Variants in BICC1 observed in about 807,000 individuals in gnomAD.
The protein encoded by BICC1 is BicC family RNA binding protein 1.
In BICC1, 43 loss-of-function variants were observed where a neutral mutation model predicts 111.0. That is an observed-to-expected ratio of 0.39 (90% CI 0.30 to 0.50). The LOEUF is 0.50. Among genes scored for constraint, BICC1 ranks in the 20% least tolerant of loss-of-function variants. The pLI is 0.88. For missense variants in BICC1, 1,091 were observed against 1,203.2 expected (o/e 0.91, Z 1.38); for synonymous variants, 467 against 434.4 (o/e 1.07, Z -0.93).
chr10:58,739,471 G>A (rs1033730044), intron 3 of BICC1, among the ~76,000 whole-genome samples: 1 of 152,128 alleles, frequency 6.6e-6, no homozygotes, highest in Non-Finnish European at 1.5e-5. Context: ...ATGTGCTGCT[G>A]TATTCGGTTT....
At chr10:58,570,194 T>C (rs1276388520) in intron 1 of BICC1, among the ~76,000 whole-genome samples, 1 of 152,184 alleles carries the variant, frequency 6.6e-6, no homozygotes, top group African/African-American at 2.4e-5. Flanking sequence ...AGCATGAAAG[T>C]CAATGAATTT....
chr10:58,757,508 A>G (rs1295732880), intron 3 of BICC1, among the ~76,000 whole-genome samples: 1 of 148,626 alleles, frequency 6.7e-6, no homozygotes, highest in African/African-American at 2.5e-5. Flanking sequence ...CAGTGAGTCC[A>G]TGCCAGAGTG....
chr10:58,778,785 CACTA>C (rs1368085182), intron 3 of BICC1, among the ~76,000 whole-genome samples: 4 of 152,172 alleles, frequency 2.6e-5, no homozygotes, highest in African/African-American at 9.7e-5. Flanking sequence ...TATGGCTGCC[CACTA>C]ACGTTTTGCT....
At position 58,591,396 on chromosome 10, in the gene BICC1, T is replaced by C. The variant is rs75698776; in HGVS notation, c.191-29459T>C. Among the ~76,000 whole-genome samples, 876 of 152,248 alleles carry C rather than the reference T, an allele frequency of 5.8e-3. 8 individuals are homozygous for C. The highest frequency in any genetic ancestry group is 0.02 in the African/African-American group (836 of 41,546). On this transcript the variant is annotated intron_variant, in intron 1 of 20. Coordinates refer to ENST00000373886, the MANE Select transcript of BICC1 (RefSeq NM_001080512.3). ...TGGGTGGTCTATAATGAACAAAAAT[T>C]CCCACTTCTGGAGGCTGGGAAGTCA... is the stretch of plus-strand genomic sequence containing the variant.
At chr10:58,791,081 G>A (rs1332119975) in intron 8 of BICC1, among the ~76,000 whole-genome samples, 6 of 152,026 alleles carry the variant, frequency 3.9e-5, no homozygotes, top group African/African-American at 1.5e-4. Flanking sequence ...AGAACTTGTT[G>A]GAATCAGTAA....
chr10:58,584,088 AC>A (rs1470987874), intron 1 of BICC1, among the ~76,000 whole-genome samples: 36 of 151,926 alleles, frequency 2.4e-4, no homozygotes, highest in African/African-American at 7.5e-4. Flanking sequence ...ACACACACAC[AC>A]ACACACACAC....
intron 4 of BICC1, among the ~76,000 whole-genome samples, chr10:58,785,506 G>C (rs906791005): frequency 1.4e-4 from 22 of 152,016 alleles, no homozygotes; most frequent in African/African-American, 5.1e-4. Context: ...TCTGTGTTGG[G>C]TGTGTGTAAT....
intron 3 of BICC1, among the ~76,000 whole-genome samples, chr10:58,763,158 A>G (rs1038849391): frequency 6.6e-6 from 1 of 152,242 alleles, no homozygotes; most frequent in Non-Finnish European, 1.5e-5. Context: ...AAGATTGACC[A>G]TCCCTTCCAG....
chr10:58,709,334 G>A (rs1010760759), intron 3 of BICC1, among the ~76,000 whole-genome samples: 5 of 152,120 alleles, frequency 3.3e-5, no homozygotes, highest in Admixed American at 2.6e-4. Flanking sequence ...TCTGAACCTG[G>A]CTTATTTCAG....
At chr10:58,583,386 T>G (rs1844335302) in intron 1 of BICC1, among the ~76,000 whole-genome samples, 1 of 150,628 alleles carries the variant, frequency 6.6e-6, no homozygotes. Flanking sequence ...TCCCCTCGAG[T>G]CCCCAAAGTC....
intron 2 of BICC1, among the ~76,000 whole-genome samples, chr10:58,631,155 C>A (rs1349193045): frequency 6.6e-6 from 1 of 152,142 alleles, no homozygotes; most frequent in African/African-American, 2.4e-5. Flanking sequence ...TTGTTTTCAT[C>A]CCTCTTACAC....
chr10:58,627,878 C>A (rs1488166952), intron 2 of BICC1, among the ~76,000 whole-genome samples: 1 of 151,872 alleles, frequency 6.6e-6, no homozygotes, highest in Non-Finnish European at 1.5e-5. Flanking sequence ...TTAAAAATAA[C>A]CTAAGTACTC....
In BICC1 at chr10:58,761,275, G is replaced by A. The variant is rs552354806; in HGVS notation, c.308-23726G>A. ...GCTGTCTACAAAAGGAGCCGAGTGCGGCTGGAAAGAAAGTTGCTTCCTTTC... is the reference window on the plus strand; with the variant it reads ...GCTGTCTACAAAAGGAGCCGAGTGCAGCTGGAAAGAAAGTTGCTTCCTTTC... On this transcript the variant is annotated intron_variant, in intron 3 of 20. Coordinates refer to ENST00000373886, the MANE Select transcript of BICC1 (RefSeq NM_001080512.3). Among the ~76,000 whole-genome samples, 220 of 152,264 alleles carry A rather than the reference G, an allele frequency of 1.4e-3. 1 individual carries two copies. Among genetic ancestry groups the A allele is most frequent in the African/African-American group, 5.1e-3 (212 of 41,548 alleles).
chr10:58,719,450 C>G (rs573900253), intron 3 of BICC1, among the ~76,000 whole-genome samples: 2 of 152,254 alleles, frequency 1.3e-5, no homozygotes. Flanking sequence ...CCAGATGGAG[C>G]CTAACACTCT....
At chr10:58,773,742 C>A (rs1589125586) in intron 3 of BICC1, among the ~76,000 whole-genome samples, 1 of 152,246 alleles carries the variant, frequency 6.6e-6, no homozygotes, top group South Asian at 2.1e-4. Context: ...AACTCTTTGA[C>A]TTCTCTGCTG....
chr10:58,718,159 A>G (rs1185737557), intron 3 of BICC1, among the ~76,000 whole-genome samples: 2 of 152,294 alleles, frequency 1.3e-5, no homozygotes, highest in East Asian at 3.9e-4. Context: ...CCTTAGCCTG[A>G]GTAATTTGTA....
At chr10:58,639,543 G>A (rs531618424) in intron 2 of BICC1, among the ~76,000 whole-genome samples, 99 of 148,178 alleles carry the variant, frequency 6.7e-4, no homozygotes, top group South Asian at 4.1e-3. Flanking sequence ...GATTACAGGC[G>A]CCTGCCACCA....
intron 3 of BICC1, among the ~76,000 whole-genome samples, chr10:58,726,893 A>G (rs1345522060): frequency 6.6e-6 from 1 of 152,220 alleles, no homozygotes; most frequent in Non-Finnish European, 1.5e-5. Context: ...ATTCAGACGT[A>G]TAGACTGTTG....
At chr10:58,523,951 T>C (rs1842461573) in intron 1 of BICC1, among the ~76,000 whole-genome samples, 1 of 152,158 alleles carries the variant, frequency 6.6e-6, no homozygotes, top group Non-Finnish European at 1.5e-5. Flanking sequence ...CCATTCACAA[T>C]TGCTTCAAAG....
Sources: gnomAD v4.1 joint callset for allele counts (sites outside exome capture counted in the v4.1 genomes callset) on GRCh38, gnomAD v4.1.1 for gene constraint, MANE v1.5 for transcripts, NCBI Gene and HGNC (gene_info 2026-07-23, HGNC 2026-07-21) for gene names.